CREBZF: variants seen among roughly 807,000 people sequenced by gnomAD.
CREBZF encodes the protein HCF-binding transcription factor Zhangfei.
CREBZF carries 8 observed loss-of-function variants against 21.1 expected under a neutral mutation model. That is an observed-to-expected ratio of 0.38 (90% CI 0.22 to 0.68). The LOEUF is 0.68. CREBZF is among the 30% of genes least tolerant of loss of function. The pLI, the probability that CREBZF is intolerant of heterozygous loss-of-function variation, is 0.51. For synonymous variants in CREBZF, 270 were observed against 223.3 expected (o/e 1.21, Z -1.86); for missense variants, 518 against 484.3 (o/e 1.07, Z -0.65).
upstream of CREBZF, among the ~76,000 whole-genome samples, chr11:85,668,598 A>T (rs1481213175): frequency 1.3e-5 from 2 of 152,170 alleles, no homozygotes; most frequent in African/African-American, 4.8e-5. Context: ...GCACTTCCAG[A>T]TTCATGTCTA....
rs754039997 is a variant in CREBZF at position 85,664,166 on chromosome 11, C to T, written c.710G>A (p.Arg237Gln). ...EYVMGLESRV[R>Q]GLAAENQELR... is the part of the protein sequence containing the mutation. ...CTCCTGGTTCTCGGCTGCCAGACCCCGGACTCGACTCTCCAGCCCCATCAC... is the reference window on the plus strand; with the variant it reads ...CTCCTGGTTCTCGGCTGCCAGACCCTGGACTCGACTCTCCAGCCCCATCAC... Residue 237 changes from arginine to glutamine, a missense_variant, in exon 1 of 1, where the codon CGG (arginine) becomes CAG (glutamine). Arg to Gln is a conservative substitution (Grantham distance 43, BLOSUM62 1). Around this residue, in one of 3 missense-constraint regions of CREBZF, gnomAD observed 8 missense variants for 25.8 expected, o/e 0.31. Coordinates refer to ENST00000527447, the MANE Select transcript of CREBZF (RefSeq NM_001039618.4). The surrounding 1 kb of genome is among the most constrained non-coding windows in gnomAD (Gnocchi z 5.5). 1.2e-6 allele frequency: 2 copies of T among 1,613,530 alleles called. No homozygotes were observed. Among genetic ancestry groups the T allele is most frequent in the Non-Finnish European group, 8.5e-7 (1 of 1,180,028 alleles).
At chr11:85,682,616 G>T (rs1216759309) in intron 1 of CREBZF, 3 of 89,828 alleles carry the variant, frequency 3.3e-5, no homozygotes, top group Admixed American at 1.8e-4. Flanking sequence ...TCCCCCCAAC[G>T]CGATCTTCCA....
rs1189293266 is a variant in CREBZF at position 85,664,826 on chromosome 11, G to A, written c.50C>T (p.Pro17Leu). ...CGGCTCCGGGCTCTCACTGCGGGTT[G>A]GGGAGTTGCTGCCCGAGGCTGCCAG... ...KLLAASGSNS[P>L]TRSESPEPAA... Residue 17 changes from proline (P) to leucine (L), a missense_variant, in exon 1 of 1, where the codon CCA becomes CTA. Pro to Leu is a moderately conservative substitution (Grantham distance 98, BLOSUM62 -3). Transcript: ENST00000527447. This position sits in a 1 kb window ranked among gnomAD's most constrained non-coding sequence, Gnocchi z 5.5. The A allele has an allele frequency of 6.5e-7, 1 of 1,543,790 alleles. No individual in the cohort carries two copies. The highest frequency in any genetic ancestry group is 2.1e-5 in the Admixed American group (1 of 46,914).
chr11:85,666,713 G>C (rs376628703), upstream of CREBZF, among the ~76,000 whole-genome samples: 1 of 152,182 alleles, frequency 6.6e-6, no homozygotes, highest in Non-Finnish European at 1.5e-5. Flanking sequence ...GTACTGCATA[G>C]GCTTCAACAA....
rs2082670961 is a variant in CREBZF, at chr11:85,661,301, C to T, written c.*2510G>A. 1.3e-5 allele frequency: 2 copies of T among 149,800 alleles called. No individual in the cohort carries two copies. Among genetic ancestry groups the T allele is most frequent in the Admixed American group, 6.7e-5 (1 of 14,988 alleles). 9.3% of individuals were successfully genotyped at this position (149,800 alleles called of 1,614,324 possible). A position where few individuals can be genotyped will look rare whatever the true frequency, so the allele number is the denominator to read the frequency against. On this transcript the variant is annotated 3_prime_UTR_variant, in exon 1 of 1. Transcript: ENST00000527447. ...ACCATGAAGTTGATGTAAAAAATGA[C>T]AAAATCACTAAGTCACCAAAACTAG...
upstream of CREBZF, among the ~76,000 whole-genome samples, chr11:85,666,077 G>A (rs577557457): frequency 6.6e-6 from 1 of 151,780 alleles, no homozygotes; most frequent in Non-Finnish European, 1.5e-5. Context: ...AAAACTCTTT[G>A]TCTTCCTTCG....
intron 1 of CREBZF, among the ~76,000 whole-genome samples, chr11:85,676,677 C>T (rs989095567): frequency 6.6e-6 from 1 of 151,888 alleles, no homozygotes. Flanking sequence ...CACTTTGTCA[C>T]CCAGGCTGGA....
At chr11:85,665,293 A>C (rs1467624948), upstream of CREBZF, among the ~76,000 whole-genome samples, 1 of 152,218 alleles carries the variant, frequency 6.6e-6, no homozygotes, top group Non-Finnish European at 1.5e-5. Context: ...ACCCTAATTC[A>C]ATACCACCCA....
intron 1 of CREBZF, among the ~76,000 whole-genome samples, chr11:85,676,810 C>CT (rs11412070): frequency 0.99 from 133,710 of 135,096 alleles, 66,209 homozygotes; most frequent in South Asian, 1. Context: ...GCTAATTTTT[C>CT]TTTTTTTTTT....
chr11:85,666,269 G>A (rs2082861358), upstream of CREBZF, among the ~76,000 whole-genome samples: 1 of 152,052 alleles, frequency 6.6e-6, no homozygotes, highest in African/African-American at 2.4e-5. Flanking sequence ...ATCCCACAAG[G>A]GATTTGAGAT....
chr11:85,668,128 A>G (rs1226418159), upstream of CREBZF, among the ~76,000 whole-genome samples: 1 of 152,088 alleles, frequency 6.6e-6, no homozygotes, highest in African/African-American at 2.4e-5. Context: ...AAATCACTCC[A>G]CTTTTTATTG....
Position 85,660,610 on chromosome 11 carries a change from A to G in CREBZF, c.*3201T>C, listed in dbSNP as rs1411817042. On this transcript the variant is annotated 3_prime_UTR_variant, in exon 1 of 1. Coordinates refer to ENST00000527447, the MANE Select transcript of CREBZF (RefSeq NM_001039618.4). ...AGACACTGCTAAGCTGTTCAAAGAGAAGAGAGAGAGATTAATTTAGTGATT... is the reference window on the plus strand; with the variant it reads ...AGACACTGCTAAGCTGTTCAAAGAGGAGAGAGAGAGATTAATTTAGTGATT... The G allele has an allele frequency of 2.2e-6, 1 of 453,800 alleles. No homozygotes were observed. Among genetic ancestry groups the G allele is most frequent in the South Asian group, 1.6e-5 (1 of 64,052 alleles). The allele number at this position is 453,800 out of a possible 1,614,324, so 28.1% of individuals were successfully genotyped here. A position where few individuals can be genotyped will look rare whatever the true frequency, so the allele number is the denominator to read the frequency against.
At chr11:85,670,743 T>G (rs970043658) in intron 1 of CREBZF, among the ~76,000 whole-genome samples, 1 of 152,234 alleles carries the variant, frequency 6.6e-6, no homozygotes, top group Non-Finnish European at 1.5e-5. Flanking sequence ...AAGAAGAGGT[T>G]GTCAGCTGAG....
At chr11:85,665,736 C>A (rs2153327156), upstream of CREBZF, among the ~76,000 whole-genome samples, 1 of 152,214 alleles carries the variant, frequency 6.6e-6, no homozygotes, top group South Asian at 2.1e-4. Flanking sequence ...GTTGTTCTTG[C>A]CATTTTTGTA....
At chr11:85,681,294 A>G (rs562888242) in intron 1 of CREBZF, among the ~76,000 whole-genome samples, 7 of 152,372 alleles carry the variant, frequency 4.6e-5, no homozygotes, top group Admixed American at 6.5e-5. Flanking sequence ...AGGGCTGAGT[A>G]GAACAGCAGG....
upstream of CREBZF, among the ~76,000 whole-genome samples, chr11:85,668,260 A>T (rs556970386): frequency 2.0e-4 from 31 of 152,216 alleles, no homozygotes; most frequent in Non-Finnish European, 4.1e-4. Flanking sequence ...AGACTTTCCA[A>T]GTTCAAAAAA....
rs184130787 is a variant in CREBZF at position 85,672,066 on chromosome 11, G to A, written n.148-8465C>T. Among the ~76,000 whole-genome samples the A allele has an allele frequency of 4.2e-3, 636 of 152,350 alleles. 1 individual carries two copies. Among genetic ancestry groups the A allele is most frequent in the Non-Finnish European group, 6.8e-3 (461 of 68,040 alleles). ...GTTTCCATACATCCTCTAAAATCTC[G>A]ATGGAGGTTGCCAAACCTCAATTCT... is the stretch of plus-strand genomic sequence containing the variant. On this transcript the variant is annotated intron_variant and non_coding_transcript_variant, in intron 1 of 3. Transcript: ENST00000531515.
At chr11:85,674,055 A>G (rs2082928678) in intron 1 of CREBZF, among the ~76,000 whole-genome samples, 1 of 152,214 alleles carries the variant, frequency 6.6e-6, no homozygotes, top group Non-Finnish European at 1.5e-5. Flanking sequence ...AATCCTTCTA[A>G]GTCATCCATA....
chr11:85,672,799 C>A (rs2082920714), intron 1 of CREBZF, among the ~76,000 whole-genome samples: 1 of 152,124 alleles, frequency 6.6e-6, no homozygotes, highest in Admixed American at 6.5e-5. Flanking sequence ...GATGATGTAC[C>A]ATCATTTTTG....
Sources: gnomAD v4.1 joint callset for allele counts (sites outside exome capture counted in the v4.1 genomes callset) on GRCh38, gnomAD v4.1.1 for gene constraint, gnomAD v4.1.1 regional missense constraint, Gnocchi (gnomAD v3.1) non-coding constraint, MANE v1.5 for transcripts, NCBI Gene and HGNC (gene_info 2026-07-23, HGNC 2026-07-21) for gene names.